CIMAP1C: variants seen among roughly 807,000 people sequenced by gnomAD.
CIMAP1C encodes the protein ciliary microtubule associated protein 1C.
At chr15:75,726,996 C>T in the CIMAP1C span, 1 of 1,556,234 alleles carries the variant, frequency 6.4e-7, no homozygotes, top group Admixed American at 1.8e-5. Context: ...CATCAGTTGG[C>T]TAGCAGAGAA....
the CIMAP1C span, chr15:75,724,337 T>C: frequency 6.5e-7 from 1 of 1,544,026 alleles, no homozygotes; most frequent in Non-Finnish European, 9.0e-7. Context: ...ATCCCCACCC[T>C]GGGCTTGGGC....
chr15:75,727,427 G>A, the CIMAP1C span: 355 of 1,613,950 alleles, frequency 2.2e-4, no homozygotes, highest in Non-Finnish European at 2.9e-4. Flanking sequence ...GCCTGGCCCC[G>A]GCTCCCACGA....
the CIMAP1C span, chr15:75,727,030 A>T: frequency 6.3e-7 from 1 of 1,596,356 alleles, no homozygotes; most frequent in South Asian, 1.1e-5. Context: ...CTGCTCTGAG[A>T]GCCCTCCCTT....
the CIMAP1C span, among the ~76,000 whole-genome samples, chr15:75,725,669 C>A: frequency 2.5e-4 from 38 of 152,202 alleles, no homozygotes; most frequent in Non-Finnish European, 4.1e-4. Context: ...GGCGTGCACC[C>A]GGGGGTCTGA....
chr15:75,727,104 T>A, the CIMAP1C span: 1 of 1,613,694 alleles, frequency 6.2e-7, no homozygotes, highest in East Asian at 2.2e-5. Context: ...TTTGAGAAGA[T>A]CCACCCACCG....
the CIMAP1C span, chr15:75,727,505 C>G: frequency 6.2e-7 from 1 of 1,603,570 alleles, no homozygotes. Flanking sequence ...GCACTCACTC[C>G]ACCTGTGCCC....
At chr15:75,726,301 C>T in the CIMAP1C span, 2 of 632,880 alleles carry the variant, frequency 3.2e-6, no homozygotes, top group African/African-American at 1.8e-5. Context: ...TATCTCCCTG[C>T]AAGACACCGA....
chr15:75,725,043 C>A, the CIMAP1C span: 1 of 1,071,764 alleles, frequency 9.3e-7, no homozygotes, highest in Non-Finnish European at 1.5e-6. Flanking sequence ...GTGCGCTGTA[C>A]TGGGGCTTCC....
chr15:75,726,180 G>C, the CIMAP1C span: 1 of 1,585,892 alleles, frequency 6.3e-7, no homozygotes, highest in East Asian at 2.3e-5. Flanking sequence ...GCGTAAGATG[G>C]GGTTATGGAC....
chr15:75,726,185 A>G, the CIMAP1C span: 10 of 771,430 alleles, frequency 1.3e-5, no homozygotes, highest in East Asian at 1.5e-4. Flanking sequence ...AGATGGGGTT[A>G]TGGACAGATG....
chr15:75,727,542 G>T, the CIMAP1C span: 6 of 1,570,570 alleles, frequency 3.8e-6, no homozygotes, highest in Non-Finnish European at 4.3e-6. Context: ...CGTGACTGAG[G>T]CCCCTCTTGG....
chr15:75,726,072 AG>A, the CIMAP1C span: 1 of 1,613,490 alleles, frequency 6.2e-7, no homozygotes, highest in East Asian at 2.2e-5. Flanking sequence ...GGTGTGCCAC[AG>A]CAGCCCTGGG....
At chr15:75,724,200 A>G in the CIMAP1C span, 2 of 1,611,934 alleles carry the variant, frequency 1.2e-6, no homozygotes, top group Non-Finnish European at 1.7e-6. Context: ...AGCCCCAGCC[A>G]TGAAACTGCC....
At chr15:75,725,104 AC>A in the CIMAP1C span, 79 of 1,609,682 alleles carry the variant, frequency 4.9e-5, no homozygotes, top group Admixed American at 1.3e-3. Context: ...GTCCATCCTT[AC>A]AGGTCCGGGG....
the CIMAP1C span, chr15:75,727,361 A>T: frequency 6.2e-7 from 1 of 1,614,036 alleles, no homozygotes; most frequent in African/African-American, 1.3e-5. Context: ...TCAGAACCGC[A>T]GCCCTACTTA....
the CIMAP1C span, among the ~76,000 whole-genome samples, chr15:75,724,843 A>G: frequency 2.6e-5 from 4 of 152,372 alleles, no homozygotes; most frequent in African/African-American, 9.6e-5. Context: ...TCGGATGCCT[A>G]GTGGAGAACC....
chr15:75,725,487 C>G, the CIMAP1C span, among the ~76,000 whole-genome samples: 1 of 152,208 alleles, frequency 6.6e-6, no homozygotes, highest in Non-Finnish European at 1.5e-5. Flanking sequence ...TGGGGCCCTT[C>G]AGCTCCGGTC....
At chr15:75,727,359 G>GT in the CIMAP1C span, 1 of 1,614,074 alleles carries the variant, frequency 6.2e-7, no homozygotes, top group Non-Finnish European at 8.5e-7. Context: ...TATCAGAACC[G>GT]CAGCCCTACT....
At chr15:75,727,504 C>G in the CIMAP1C span, 1 of 1,603,592 alleles carries the variant, frequency 6.2e-7, no homozygotes, top group Admixed American at 1.7e-5. Flanking sequence ...AGCACTCACT[C>G]CACCTGTGCC....
Sources: gnomAD v4.1 joint callset for allele counts (sites outside exome capture counted in the v4.1 genomes callset) on GRCh38, gnomAD v4.1.1 for gene constraint, MANE v1.5 for transcripts, NCBI Gene and HGNC (gene_info 2026-07-23, HGNC 2026-07-21) for gene names.